The following NOPCHAP1 variants were observed in gnomAD, a reference collection of about 807,000 sequenced individuals.
NOPCHAP1 encodes DNA damage-sensitive RNA 1.
NOPCHAP1 carries 13 observed loss-of-function variants against 14.0 expected under a neutral mutation model. The observed-to-expected ratio is 0.93, with a 90% CI of 0.60 to 1.47. The LOEUF is 1.47. NOPCHAP1 is among the 40% of genes most tolerant of loss of function. The probability of loss-of-function intolerance (pLI) is 0.00; values close to 1 mark genes in which losing one functional copy is unlikely to be tolerated. For synonymous variants in NOPCHAP1, 78 were observed against 78.4 expected (o/e 1.00, Z 0.03); for missense variants, 230 against 226.9 (o/e 1.01, Z -0.09).
rs1448058617 is a variant in NOPCHAP1 at position 104,996,043 on chromosome 12, A to G, written c.*1347A>G. ...TATTCCAAGGTTGGTGCAAATTTCA[A>G]TTGCTGACCATTTTAGACTCTGATA... On this transcript the variant is annotated 3_prime_UTR_variant, in exon 4 of 4. Transcript: ENST00000552951. 6.6e-6 allele frequency: 1 copy of G among 152,106 alleles called. No homozygotes were observed. Among genetic ancestry groups the G allele is most frequent in the Non-Finnish European group, 1.5e-5 (1 of 68,020 alleles). The allele number at this position is 152,106 out of a possible 1,614,324, so 9.4% of individuals were successfully genotyped here.
At position 105,000,026 on chromosome 12, in the gene NOPCHAP1, A is replaced by T. The variant is rs564779943; in HGVS notation, c.*5330A>T. On this transcript the variant is annotated 3_prime_UTR_variant, in exon 4 of 4. Coordinates refer to ENST00000552951, the MANE Select transcript of NOPCHAP1 (RefSeq NM_152318.3). ...CATCTAGCTGATCATCTTGCCTCCA[A>T]CCTGTTCCCTTTATAGCATAATGTG... is the stretch of plus-strand genomic sequence containing the variant. The T allele has an allele frequency of 6.6e-6, 1 of 151,818 alleles. No homozygotes were observed. Among genetic ancestry groups the T allele is most frequent in the Non-Finnish European group, 1.5e-5 (1 of 67,936 alleles). The allele number at this position is 151,818 out of a possible 1,614,324, so 9.4% of individuals were successfully genotyped here. A position where few individuals can be genotyped will look rare whatever the true frequency, so the allele number is the denominator to read the frequency against.
chr12:104,986,839 A>G (rs1592746821), intron 1 of NOPCHAP1, among the ~76,000 whole-genome samples: 2 of 145,758 alleles, frequency 1.4e-5, no homozygotes, highest in East Asian at 5.2e-4. Context: ...GTTGGCTGAT[A>G]GGGGGAAGCG....
In NOPCHAP1 at chr12:104,994,680, G is replaced by A. The variant is rs765859693; in HGVS notation, c.542G>A (p.Ser181Asn). The change falls in exon 4 of 4, where the codon AGT becomes AAT. Residue 181 changes from serine to asparagine, a missense_variant. Ser to Asn is a conservative substitution (Grantham distance 46). Coordinates refer to ENST00000552951, the MANE Select transcript of NOPCHAP1 (RefSeq NM_152318.3). Reference sequence around the variant, plus strand: ...ATTGAAGTTTTGGACAGTCCAGCAAGTAAAAAAAAGAAATAGTCAAATAAA... The same window carrying A: ...ATTGAAGTTTTGGACAGTCCAGCAAATAAAAAAAAGAAATAGTCAAATAAA... The part of the protein sequence containing the change: ...GKIEVLDSPA[S>N]KKKK The A allele has an allele frequency of 6.2e-7, 1 of 1,604,794 alleles. No homozygotes were observed. The highest frequency in any genetic ancestry group is 8.5e-7 in the Non-Finnish European group (1 of 1,176,404).
In NOPCHAP1 at chr12:105,010,098, C is replaced by T. The variant is rs1873786013; in HGVS notation, c.*15402C>T. The T allele has an allele frequency of 6.6e-6, 1 of 151,958 alleles. No homozygotes were observed. Among genetic ancestry groups the T allele is most frequent in the African/African-American group, 2.4e-5 (1 of 41,382 alleles). 9.4% of individuals were successfully genotyped at this position (151,958 alleles called of 1,614,324 possible). A position where few individuals can be genotyped will look rare whatever the true frequency, so the allele number is the denominator to read the frequency against. ...TGCTGTGAATCCTTCAGGTCCTGGG[C>T]TTTTTTTGGTTAGTAGTCTATTAGT... On this transcript the variant is annotated 3_prime_UTR_variant, in exon 4 of 4. Coordinates refer to ENST00000552951, the MANE Select transcript of NOPCHAP1 (RefSeq NM_152318.3).
In NOPCHAP1 at chr12:105,005,600, C is replaced by G. The variant is rs963947535; in HGVS notation, c.*10904C>G. 3.3e-5 allele frequency: 5 copies of G among 152,204 alleles called. No individual in the cohort carries two copies. Among genetic ancestry groups the G allele is most frequent in the African/African-American group, 1.2e-4 (5 of 41,436 alleles). 9.4% of individuals were successfully genotyped at this position (152,204 alleles called of 1,614,324 possible). ...TGCAGGAGGGGACCAGAAGTACTTGCCATTTTTCATCTGTGACACAGAAGC... is the reference window on the plus strand; with the variant it reads ...TGCAGGAGGGGACCAGAAGTACTTGGCATTTTTCATCTGTGACACAGAAGC... On this transcript the variant is annotated 3_prime_UTR_variant, in exon 4 of 4. Coordinates refer to ENST00000552951, the MANE Select transcript of NOPCHAP1 (RefSeq NM_152318.3).
chr12:104,988,084 T>C (rs1009245526), intron 1 of NOPCHAP1, 83 bp from the exon 2 acceptor site: 34 of 1,093,044 alleles, frequency 3.1e-5, no homozygotes, highest in African/African-American at 6.3e-5. Flanking sequence ...GTCTTAAGAC[T>C]GGTCATGTGA....
At position 105,013,151 on chromosome 12, in the gene NOPCHAP1, AC is replaced by A. The variant is rs1353843161; in HGVS notation, c.*18456del. ...TTTATCTATAATCCCCTTGACTGGG[AC>A]TGCTGCCTTTCTTTCAGAGATGCCC... On this transcript the variant is annotated 3_prime_UTR_variant, in exon 4 of 4. Transcript: ENST00000552951. 1 of 152,292 alleles carries A rather than the reference AC, an allele frequency of 6.6e-6. No individual in the cohort carries two copies. Among genetic ancestry groups the A allele is most frequent in the Non-Finnish European group, 1.5e-5 (1 of 68,126 alleles). 9.4% of individuals were successfully genotyped at this position (152,292 alleles called of 1,614,324 possible).
At chr12:104,989,530 T>G (rs971794467) in intron 2 of NOPCHAP1, among the ~76,000 whole-genome samples, 1 of 152,230 alleles carries the variant, frequency 6.6e-6, no homozygotes, top group Non-Finnish European at 1.5e-5. Flanking sequence ...ATGGTGTTTC[T>G]TTTCTTCTCT....
rs556804914 is a variant in NOPCHAP1, at chr12:105,003,723, C to T, written c.*9027C>T. On this transcript the variant is annotated 3_prime_UTR_variant, in exon 4 of 4. Transcript: ENST00000552951. ...AGCAAAGAACAATTTTATGAATTAGCACTCAAAACTGAAAGGTTCAGAGTG... is the reference window on the plus strand; with the variant it reads ...AGCAAAGAACAATTTTATGAATTAGTACTCAAAACTGAAAGGTTCAGAGTG... 2.6e-5 allele frequency: 4 copies of T among 152,192 alleles called. No homozygotes were observed. Among genetic ancestry groups the T allele is most frequent in the Non-Finnish European group, 4.4e-5 (3 of 68,024 alleles). 9.4% of individuals were successfully genotyped at this position (152,192 alleles called of 1,614,324 possible).
At chr12:104,988,822 C>CT (rs1190456141) in intron 2 of NOPCHAP1, among the ~76,000 whole-genome samples, 1 of 151,950 alleles carries the variant, frequency 6.6e-6, no homozygotes, top group African/African-American at 2.4e-5. Flanking sequence ...CATCAATAAA[C>CT]TAAGAAATCA....
At position 104,996,393 on chromosome 12, in the gene NOPCHAP1, A is replaced by G. The variant is rs144632788; in HGVS notation, c.*1697A>G. 2.1e-3 allele frequency: 325 copies of G among 151,474 alleles called. No homozygotes were observed. The highest frequency in any genetic ancestry group is 7.1e-3 in the African/African-American group (294 of 41,172). The allele number at this position is 151,474 out of a possible 1,614,324, so 9.4% of individuals were successfully genotyped here. On this transcript the variant is annotated 3_prime_UTR_variant, in exon 4 of 4. Coordinates refer to ENST00000552951, the MANE Select transcript of NOPCHAP1 (RefSeq NM_152318.3). ...TTTTTTTTTTTTAACTTTTAGGTTC[A>G]GAGGTACATGTGGAGGTTTGTTATA...
rs1000482917 is a variant in NOPCHAP1, at chr12:105,009,096, T to G, written c.*14400T>G. The G allele has an allele frequency of 1.3e-5, 2 of 152,234 alleles. No individual in the cohort carries two copies. Among genetic ancestry groups the G allele is most frequent in the Non-Finnish European group, 2.9e-5 (2 of 68,054 alleles). The allele number at this position is 152,234 out of a possible 1,614,324, so 9.4% of individuals were successfully genotyped here. On this transcript the variant is annotated 3_prime_UTR_variant, in exon 4 of 4. Transcript: ENST00000552951. ...GGCAGTATGGCCATTTTCACGATATTGATTCTTCCTATCCATGAGCATGGA... is the reference window on the plus strand; with the variant it reads ...GGCAGTATGGCCATTTTCACGATATGGATTCTTCCTATCCATGAGCATGGA...
Position 104,995,368 on chromosome 12 carries a change from C to T in NOPCHAP1, c.*672C>T, listed in dbSNP as rs978889908. On this transcript the variant is annotated 3_prime_UTR_variant, in exon 4 of 4. Coordinates refer to ENST00000552951, the MANE Select transcript of NOPCHAP1 (RefSeq NM_152318.3). ...GCAGTGTCCAAAGAAACAATAGTGT[C>T]AGCTACAAATTGTATTGAATTTTCT... The T allele has an allele frequency of 6.6e-6, 1 of 152,270 alleles. No homozygotes were observed. Among genetic ancestry groups the T allele is most frequent in the African/African-American group, 2.4e-5 (1 of 41,440 alleles). 9.4% of individuals were successfully genotyped at this position (152,270 alleles called of 1,614,324 possible).
In NOPCHAP1 at chr12:105,005,411, T is replaced by C. The variant is rs183735567; in HGVS notation, c.*10715T>C. ...TTTACACCCTATTTAAATGAGGTAGTGGTCTGCAGCCAGTCTGATTAGTTG... is the reference window on the plus strand; with the variant it reads ...TTTACACCCTATTTAAATGAGGTAGCGGTCTGCAGCCAGTCTGATTAGTTG... On this transcript the variant is annotated 3_prime_UTR_variant, in exon 4 of 4. Transcript: ENST00000552951. 5.3e-5 allele frequency: 8 copies of C among 152,350 alleles called. No individual in the cohort carries two copies. Among genetic ancestry groups the C allele is most frequent in the African/African-American group, 1.4e-4 (6 of 41,570 alleles). The allele number at this position is 152,350 out of a possible 1,614,324, so 9.4% of individuals were successfully genotyped here.
rs1004280810 is a variant in NOPCHAP1 at position 104,999,357 on chromosome 12, A to G, written c.*4661A>G. 3 of 152,400 alleles carry G rather than the reference A, an allele frequency of 2.0e-5. No individual in the cohort carries two copies. The highest frequency in any genetic ancestry group is 2.0e-4 in the Admixed American group (3 of 15,268). The allele number at this position is 152,400 out of a possible 1,614,324, so 9.4% of individuals were successfully genotyped here. A position where few individuals can be genotyped will look rare whatever the true frequency, so the allele number is the denominator to read the frequency against. ...GGGGGTAGTACTGGAGTTCTCTGCC[A>G]TTCAGGCACGATCTGCCAACTCAGG... On this transcript the variant is annotated 3_prime_UTR_variant, in exon 4 of 4. Coordinates refer to ENST00000552951, the MANE Select transcript of NOPCHAP1 (RefSeq NM_152318.3).
chr12:104,988,352 AGATAGTCC>A (rs1242213208), intron 2 of NOPCHAP1, 99 bp downstream of exon 2: 321 of 872,228 alleles, frequency 3.7e-4, no homozygotes, highest in Non-Finnish European at 5.6e-4. Context: ...ATCAAACCAC[AGATAGTCC>A]AGTGGAACAA....
rs902145703 is a variant in NOPCHAP1, at chr12:104,997,927, A to G, written c.*3231A>G. On this transcript the variant is annotated 3_prime_UTR_variant, in exon 4 of 4. Coordinates refer to ENST00000552951, the MANE Select transcript of NOPCHAP1 (RefSeq NM_152318.3). ...TTTTTTTTCTCCAATAAAGAAAAAGATGTTTCAGAGAGCCATCTTCAAGCT... is the reference window on the plus strand; with the variant it reads ...TTTTTTTTCTCCAATAAAGAAAAAGGTGTTTCAGAGAGCCATCTTCAAGCT... 3 of 152,180 alleles carry G rather than the reference A, an allele frequency of 2.0e-5. No individual in the cohort carries two copies. The highest frequency in any genetic ancestry group is 7.2e-5 in the African/African-American group (3 of 41,444). The allele number at this position is 152,180 out of a possible 1,614,324, so 9.4% of individuals were successfully genotyped here.
intron 3 of NOPCHAP1, among the ~76,000 whole-genome samples, chr12:104,994,118 G>A (rs1332192594): frequency 6.6e-6 from 1 of 152,210 alleles, no homozygotes; most frequent in Non-Finnish European, 1.5e-5. Context: ...GGCAAGGTGG[G>A]TGGATCATTT....
In NOPCHAP1 at chr12:105,002,684, A is replaced by T. The variant is rs1008004538; in HGVS notation, c.*7988A>T. 5 of 152,170 alleles carry T rather than the reference A, an allele frequency of 3.3e-5. No individual in the cohort carries two copies. Among genetic ancestry groups the T allele is most frequent in the African/African-American group, 1.2e-4 (5 of 41,446 alleles). The allele number at this position is 152,170 out of a possible 1,614,324, so 9.4% of individuals were successfully genotyped here. Reference sequence around the variant, plus strand: ...ATTAAGTTTTTCCCATTCTCTTGTCATACATTTTCAAGCTTTGCCATGTCC... The same window carrying T: ...ATTAAGTTTTTCCCATTCTCTTGTCTTACATTTTCAAGCTTTGCCATGTCC... On this transcript the variant is annotated 3_prime_UTR_variant, in exon 4 of 4. Coordinates refer to ENST00000552951, the MANE Select transcript of NOPCHAP1 (RefSeq NM_152318.3).
Sources: gnomAD v4.1 joint callset for allele counts (sites outside exome capture counted in the v4.1 genomes callset) on GRCh38, gnomAD v4.1.1 for gene constraint, MANE v1.5 for transcripts, NCBI Gene and HGNC (gene_info 2026-07-23, HGNC 2026-07-21) for gene names.